MOK: variants seen among roughly 807,000 people sequenced by gnomAD.
MOK encodes the protein MAPK/MAK/MRK overlapping kinase.
In MOK, 59 loss-of-function variants were observed where a neutral mutation model predicts 54.2. That is an observed-to-expected ratio of 1.09 (90% CI 0.88 to 1.35). The LOEUF (loss-of-function observed/expected upper bound fraction) is 1.35, where lower values mean the gene tolerates loss of function less well. Among genes scored for constraint, MOK ranks in the 40% most tolerant of loss-of-function variants. The pLI is 0.00. For synonymous variants in MOK, 210 were observed against 202.7 expected (o/e 1.04, Z -0.31); for missense variants, 517 against 526.2 (o/e 0.98, Z 0.17).
chr14:102,285,675 T>C (rs1022697787), intron 1 of MOK, among the ~76,000 whole-genome samples: 5 of 151,870 alleles, frequency 3.3e-5, no homozygotes, highest in African/African-American at 4.8e-5. Context: ...GTGGATCACT[T>C]GAGGCCAGGA....
At chr14:102,296,161 G>T (rs377245689) in intron 1 of MOK, among the ~76,000 whole-genome samples, 16 of 150,440 alleles carry the variant, frequency 1.1e-4, no homozygotes, top group Non-Finnish European at 2.1e-4. Flanking sequence ...CAGGAGAATC[G>T]CTTGAACCCA....
Position 102,251,753 on chromosome 14 carries a change from T to C in MOK, c.411+3A>G. ...TACCCAGCTTTCATGTAAAAGCTCT[T>C]ACCTTTATTAGTATATTTTCTGGTT... On this transcript the variant is annotated splice_donor_region_variant and intron_variant, in intron 6 of 11. Transcript: ENST00000361847. 2 of 1,565,670 alleles carry C rather than the reference T, an allele frequency of 1.3e-6. No individual in the cohort carries two copies. The highest frequency in any genetic ancestry group is 2.3e-5 in the South Asian group (2 of 88,836).
At chr14:102,271,815 TC>T (rs2068392557) in intron 2 of MOK, among the ~76,000 whole-genome samples, 1 of 152,100 alleles carries the variant, frequency 6.6e-6, no homozygotes, top group Admixed American at 6.6e-5. Context: ...CACCTCAGCC[TC>T]TCAAAGTGCT....
At chr14:102,252,522 A>C (rs904183353) in intron 4 of MOK, among the ~76,000 whole-genome samples, 29 of 152,080 alleles carry the variant, frequency 1.9e-4, no homozygotes, top group African/African-American at 6.8e-4. Context: ...TTTTTAATGG[A>C]AAATCCCTTT....
Position 102,229,148 on chromosome 14 carries a change from G to A in MOK, c.*141C>T, listed in dbSNP as rs2064399922. The A allele has an allele frequency of 2.3e-6, 2 of 886,726 alleles. No homozygotes were observed. The highest frequency in any genetic ancestry group is 2.7e-5 in the East Asian group (1 of 37,578). The allele number at this position is 886,726 out of a possible 1,614,324, so 54.9% of individuals were successfully genotyped here. ...GGCCGCGGGTGCGGCAGGGCGCAGG[G>A]CAGCACCCAGAGCCCCGGCCAGCGC... On this transcript the variant is annotated 3_prime_UTR_variant, in exon 12 of 12. Transcript: ENST00000361847.
At position 102,230,769 on chromosome 14, in the gene MOK, C is replaced by T. The variant is rs1597236500; in HGVS notation, c.981+938G>A. Reference sequence around the variant, plus strand: ...AGCCCCTGTGGGATGAAGGAAGGGTCCACGGGGGGCCTGGGCAGTTGACGG... The same window carrying T: ...AGCCCCTGTGGGATGAAGGAAGGGTTCACGGGGGGCCTGGGCAGTTGACGG... On this transcript the variant is annotated intron_variant, in intron 10 of 11. Coordinates refer to ENST00000361847, the MANE Select transcript of MOK (RefSeq NM_014226.3). This position sits in a 1 kb window ranked among gnomAD's most constrained non-coding sequence, Gnocchi z 4.1. The T allele has an allele frequency of 6.6e-6, 1 of 152,654 alleles. No homozygotes were observed. Among genetic ancestry groups the T allele is most frequent in the East Asian group, 1.9e-4 (1 of 5,186 alleles). 9.5% of individuals were successfully genotyped at this position (152,654 alleles called of 1,614,324 possible). A position where few individuals can be genotyped will look rare whatever the true frequency, so the allele number is the denominator to read the frequency against.
intron 1 of MOK, among the ~76,000 whole-genome samples, chr14:102,304,094 T>C (rs2072521624): frequency 2.0e-5 from 3 of 152,178 alleles, no homozygotes; most frequent in Non-Finnish European, 4.4e-5. Flanking sequence ...TAAAAATGCC[T>C]TGTAAAGGGT....
At chr14:102,229,411 G>A (rs760736678) in intron 11 of MOK, 45 bp from the exon 12 acceptor site, 6 of 1,613,944 alleles carry the variant, frequency 3.7e-6, no homozygotes, top group East Asian at 4.5e-5. Context: ...GGCGGCCTGG[G>A]CTGGGTCGAA....
At chr14:102,242,256 G>A (rs1210112291) in intron 7 of MOK, among the ~76,000 whole-genome samples, 1 of 152,108 alleles carries the variant, frequency 6.6e-6, no homozygotes, top group African/African-American at 2.4e-5. Flanking sequence ...ACAATTGTGG[G>A]TATTGACGGC....
chr14:102,279,831 C>A (rs1465775450), intron 2 of MOK, among the ~76,000 whole-genome samples: 1 of 151,950 alleles, frequency 6.6e-6, no homozygotes, highest in Non-Finnish European at 1.5e-5. Context: ...TATTTTTTTA[C>A]CTTTCTTTAA....
chr14:102,226,364 G>C, downstream of MOK: 1 of 703,180 alleles, frequency 1.4e-6, no homozygotes, highest in Non-Finnish European at 2.6e-6. This position sits in a 1 kb window ranked among gnomAD's most constrained non-coding sequence, Gnocchi z 4.8. Context: ...TGTTTGAATG[G>C]GGAGGAGGAC....
At chr14:102,295,770 A>C (rs2071353538) in intron 1 of MOK, among the ~76,000 whole-genome samples, 1 of 152,226 alleles carries the variant, frequency 6.6e-6, no homozygotes, top group East Asian at 1.9e-4. Flanking sequence ...AAATTCTTAA[A>C]ATTTTAAAAT....
intron 7 of MOK, chr14:102,233,994 A>C: frequency 1.9e-6 from 1 of 525,940 alleles, no homozygotes; most frequent in East Asian, 3.3e-5. Context: ...CCAGCAAACA[A>C]CCCCGGGATG....
chr14:102,284,179 G>C (rs1342424880), intron 1 of MOK, among the ~76,000 whole-genome samples: 1 of 152,022 alleles, frequency 6.6e-6, no homozygotes, highest in Non-Finnish European at 1.5e-5. Context: ...ACCTAGGGTA[G>C]TTTCCATTTT....
chr14:102,221,540 G>T (rs2063900608), downstream of MOK, among the ~76,000 whole-genome samples: 1 of 152,162 alleles, frequency 6.6e-6, no homozygotes, highest in Admixed American at 6.5e-5. The surrounding 1 kb of genome is among the most constrained non-coding windows in gnomAD (Gnocchi z 4.8). Context: ...TACAAACAGG[G>T]TTCTGTCCCT....
rs143685213 is a variant in MOK at position 102,231,566 on chromosome 14, G to A, written c.981+141C>T. The A allele has an allele frequency of 7.6e-4, 512 of 675,614 alleles. 2 individuals are homozygous for A. In the East Asian group the frequency reaches 9.8e-3, roughly 13 times the overall value. 41.9% of individuals were successfully genotyped at this position (675,614 alleles called of 1,614,324 possible). A position where few individuals can be genotyped will look rare whatever the true frequency, so the allele number is the denominator to read the frequency against. ...TCCCAACACATGGAGCCATCAACTC[G>A]CATGCTGTTCAGGCCTCGACTGACA... On this transcript the variant is annotated intron_variant, in intron 10 of 11. Transcript: ENST00000361847. This position sits in a 1 kb window ranked among gnomAD's most constrained non-coding sequence, Gnocchi z 4.4.
chr14:102,234,486 G>A (rs909418904), intron 7 of MOK, among the ~76,000 whole-genome samples: 18 of 152,064 alleles, frequency 1.2e-4, no homozygotes, highest in Non-Finnish European at 2.2e-4. Context: ...CAGCCTCCAG[G>A]CCTCTGGTTC....
Position 102,231,829 on chromosome 14 carries a change from G to A in MOK, c.867-8C>T. On this transcript the variant is annotated splice_polypyrimidine_tract_variant and splice_region_variant and intron_variant, in intron 9 of 11. Coordinates refer to ENST00000361847, the MANE Select transcript of MOK (RefSeq NM_014226.3). This position sits in a 1 kb window ranked among gnomAD's most constrained non-coding sequence, Gnocchi z 4.4. ...GCCCGCTTCTCTGTTTTCCTACGGG[G>A]AAGGAGAAGAGAATGGAGCAGCTCC... is the stretch of plus-strand genomic sequence containing the variant. 6.2e-7 allele frequency: 1 copy of A among 1,609,904 alleles called. No individual in the cohort carries two copies. The highest frequency in any genetic ancestry group is 8.5e-7 in the Non-Finnish European group (1 of 1,177,002).
rs946770869 is a variant in MOK, at chr14:102,236,768, C to T, written c.591-2979G>A. 2.0e-5 allele frequency among the ~76,000 whole-genome samples: 3 copies of T among 152,136 alleles called. No individual in the cohort carries two copies. Among genetic ancestry groups the T allele is most frequent in the Non-Finnish European group, 4.4e-5 (3 of 68,032 alleles). On this transcript the variant is annotated intron_variant, in intron 7 of 11. Coordinates refer to ENST00000361847, the MANE Select transcript of MOK (RefSeq NM_014226.3). The surrounding 1 kb of genome is among the most constrained non-coding windows in gnomAD (Gnocchi z 4.5). ...TAAATTTCCCAGCATCCCCAAAAAC[C>T]CTATCTCCCTAACCCACCAAAAAGG...
Sources: allele counts gnomAD v4.1 joint callset (sites outside exome capture counted in the v4.1 genomes callset), GRCh38; gene constraint gnomAD v4.1.1; non-coding constraint Gnocchi (gnomAD v3.1); transcripts MANE v1.5; gene names NCBI Gene and HGNC (gene_info 2026-07-23, HGNC 2026-07-21).